Variants in KIAA1671 observed in about 807,000 individuals in gnomAD.
The protein encoded by KIAA1671 is uncharacterized protein KIAA1671.
KIAA1671 carries 52 observed loss-of-function variants against 131.2 expected under a neutral mutation model. The ratio of observed to expected loss-of-function variants is 0.40; its 90% CI spans 0.32 to 0.50. The LOEUF (loss-of-function observed/expected upper bound fraction) is 0.50, where lower values mean the gene tolerates loss of function less well. Ranked by LOEUF, KIAA1671 falls within the 20% of genes least tolerant of loss-of-function variation. The probability of loss-of-function intolerance (pLI) is 0.73; values close to 1 mark genes in which losing one functional copy is unlikely to be tolerated. For missense variants in KIAA1671, 2,360 were observed against 2,364.2 expected, an observed-to-expected ratio of 1.00 and a Z score of 0.04; for synonymous variants, 1,003 against 961.6, an observed-to-expected ratio of 1.04 and a Z score of -0.80.
At chr22:25,154,945 T>G (rs1190065492) in intron 6 of KIAA1671, among the ~76,000 whole-genome samples, 2 of 152,168 alleles carry the variant, frequency 1.3e-5, no homozygotes, top group African/African-American at 4.8e-5. Context: ...TTCTGGCTGC[T>G]TTGCCTTCCC....
intron 6 of KIAA1671, among the ~76,000 whole-genome samples, chr22:25,115,774 T>C (rs1286246943): frequency 6.6e-6 from 1 of 152,120 alleles, no homozygotes; most frequent in Non-Finnish European, 1.5e-5. Flanking sequence ...CAACCAGTAT[T>C]TATTTTTATT....
rs190175883 is a variant in KIAA1671, at chr22:25,124,043, T to C, written c.4531-46777T>C. Among the ~76,000 whole-genome samples, 287 of 152,294 alleles carry C rather than the reference T, an allele frequency of 1.9e-3. 3 individuals are homozygous for C. The highest frequency in any genetic ancestry group is 6.7e-3 in the African/African-American group (279 of 41,550). ...GTATTCCCAGTGGATACCTTTCTTG[T>C]CTCATGTGTTCTTGCCCATAAAGGA... On this transcript the variant is annotated intron_variant, in intron 6 of 12. Coordinates refer to ENST00000358431, the MANE Select transcript of KIAA1671 (RefSeq NM_001145206.2).
intron 5 of KIAA1671, among the ~76,000 whole-genome samples, chr22:25,048,341 C>A (rs1927357328): frequency 1.3e-5 from 2 of 152,174 alleles, no homozygotes; most frequent in South Asian, 4.2e-4. Flanking sequence ...AAGAGAGATC[C>A]CAGAGGGAAT....
intron 10 of KIAA1671, among the ~76,000 whole-genome samples, chr22:25,183,713 G>A (rs1217086748): frequency 2.0e-5 from 3 of 151,766 alleles, no homozygotes; most frequent in African/African-American, 4.8e-5. Flanking sequence ...TAGTAGAAAC[G>A]GGGTTTCACC....
chr22:25,102,559 C>T (rs1166486771), intron 6 of KIAA1671: 1 of 152,274 alleles, frequency 6.6e-6, no homozygotes, highest in African/African-American at 2.4e-5. Context: ...GCTCCTGCCT[C>T]AGGCTCCCAA....
At chr22:25,092,357 A>G (rs1247769724) in intron 6 of KIAA1671, among the ~76,000 whole-genome samples, 2 of 152,332 alleles carry the variant, frequency 1.3e-5, no homozygotes, top group South Asian at 2.1e-4. Flanking sequence ...ATTGGGAACA[A>G]GCTGAGACAG....
At position 25,196,110 on chromosome 22, in the gene KIAA1671, G is replaced by C. The variant is rs1326658922; in HGVS notation, c.*3709G>C. ...AAAGCTGGTAGGCATGAGTGTGCCA[G>C]GTCTTTGCCAGCCTGCGTCTCCTTT... On this transcript the variant is annotated 3_prime_UTR_variant, in exon 13 of 13. Transcript: ENST00000358431. 6.6e-6 allele frequency: 1 copy of C among 152,202 alleles called. No homozygotes were observed. The highest frequency in any genetic ancestry group is 1.5e-5 in the Non-Finnish European group (1 of 68,062). The allele number at this position is 152,202 out of a possible 1,614,324, so 9.4% of individuals were successfully genotyped here. A position where few individuals can be genotyped will look rare whatever the true frequency, so the allele number is the denominator to read the frequency against.
chr22:24,999,294 G>A (rs1278450386), intron 1 of KIAA1671, among the ~76,000 whole-genome samples: 1 of 152,120 alleles, frequency 6.6e-6, no homozygotes, highest in South Asian at 2.1e-4. Flanking sequence ...GAGTGCACTG[G>A]CGCAATCATG....
chr22:24,990,065 GAA>G (rs1923758501), intron 1 of KIAA1671, among the ~76,000 whole-genome samples: 1 of 152,052 alleles, frequency 6.6e-6, no homozygotes, highest in Non-Finnish European at 1.5e-5. Context: ...GAAGCACAAT[GAA>G]ATTTTGGCAA....
intron 6 of KIAA1671, among the ~76,000 whole-genome samples, chr22:25,145,485 A>T (rs151089242): frequency 6.6e-6 from 1 of 152,176 alleles, no homozygotes; most frequent in East Asian, 1.9e-4. Flanking sequence ...ATTGGGGAAG[A>T]CTGGGCCTGG....
At chr22:25,106,719 T>C (rs908852623) in intron 6 of KIAA1671, among the ~76,000 whole-genome samples, 1 of 152,204 alleles carries the variant, frequency 6.6e-6, no homozygotes, top group Admixed American at 6.5e-5. Flanking sequence ...CAATTGTTTT[T>C]AAAAAATTAA....
chr22:25,041,570 C>T, intron 5 of KIAA1671, 45 bp downstream of exon 5: 2 of 1,476,244 alleles, frequency 1.4e-6, no homozygotes, highest in Non-Finnish European at 1.8e-6. Context: ...ATGGTTTAAA[C>T]ATCTAGTCTA....
chr22:25,181,894 C>G, intron 10 of KIAA1671, 71 bp downstream of exon 10: 2 of 1,503,852 alleles, frequency 1.3e-6, no homozygotes, highest in Non-Finnish European at 1.8e-6. Flanking sequence ...AGAATAGATT[C>G]CGGCTGGGTG....
At chr22:25,172,454 C>T (rs1386020893) in intron 7 of KIAA1671, among the ~76,000 whole-genome samples, 2 of 152,242 alleles carry the variant, frequency 1.3e-5, no homozygotes, top group Non-Finnish European at 2.9e-5. Context: ...ACAACCCTAA[C>T]ATCCTCCATA....
intron 6 of KIAA1671, chr22:25,110,222 CAG>C (rs922026303): frequency 1.4e-4 from 22 of 152,226 alleles, no homozygotes; most frequent in African/African-American, 3.4e-4. Flanking sequence ...GCCATATTGC[CAG>C]AGAGTCCTTT....
At chr22:24,956,883 A>G (rs1921734787) in intron 1 of KIAA1671, among the ~76,000 whole-genome samples, 1 of 151,124 alleles carries the variant, frequency 6.6e-6, no homozygotes, top group South Asian at 2.1e-4. Context: ...AAAAAAAAAA[A>G]AAAAAGAAGG....
intron 6 of KIAA1671, among the ~76,000 whole-genome samples, chr22:25,079,670 G>C (rs1253515737): frequency 6.6e-6 from 1 of 152,210 alleles, no homozygotes; most frequent in African/African-American, 2.4e-5. Context: ...TGCAGAACAG[G>C]AGGGATGCCA....
chr22:25,188,882 G>A (rs1934566403), intron 11 of KIAA1671, among the ~76,000 whole-genome samples: 1 of 152,168 alleles, frequency 6.6e-6, no homozygotes, highest in Non-Finnish European at 1.5e-5. Flanking sequence ...GAAAATCCAA[G>A]TGGACCCACA....
At chr22:25,074,557 A>G (rs2145854946) in intron 6 of KIAA1671, among the ~76,000 whole-genome samples, 1 of 149,616 alleles carries the variant, frequency 6.7e-6, no homozygotes, top group African/African-American at 2.5e-5. Context: ...GTATATGTGT[A>G]TATATATGTA....
Sources: allele counts gnomAD v4.1 joint callset (sites outside exome capture counted in the v4.1 genomes callset), GRCh38; gene constraint gnomAD v4.1.1; transcripts MANE v1.5; gene names NCBI Gene and HGNC (gene_info 2026-07-23, HGNC 2026-07-21).